The following PHF21B variants were observed in gnomAD, a reference collection of about 807,000 sequenced individuals.
PHF21B encodes PHD finger protein 4.
PHF21B carries 22 observed loss-of-function variants against 62.2 expected under a neutral mutation model. That is an observed-to-expected ratio of 0.35 (90% CI 0.25 to 0.51). The LOEUF (loss-of-function observed/expected upper bound fraction) is 0.51, where lower values mean the gene tolerates loss of function less well. Ranked by LOEUF, PHF21B falls within the 20% of genes least tolerant of loss-of-function variation. The pLI is 0.97. For synonymous variants in PHF21B, 341 were observed against 314.7 expected (o/e 1.08, Z -0.88); for missense variants, 701 against 707.9 (o/e 0.99, Z 0.11).
chr22:44,944,003 C>T (rs1037566079), intron 2 of PHF21B, among the ~76,000 whole-genome samples: 2 of 152,218 alleles, frequency 1.3e-5, no homozygotes, highest in Non-Finnish European at 2.9e-5. Flanking sequence ...AGGGAAGGAA[C>T]AGCGCTGGGC....
intron 2 of PHF21B, among the ~76,000 whole-genome samples, chr22:44,995,733 G>A (rs902073806): frequency 6.6e-6 from 1 of 152,026 alleles, no homozygotes; most frequent in Non-Finnish European, 1.5e-5. Flanking sequence ...GGCACCTTCC[G>A]AGATGTTGAG....
At position 44,952,439 on chromosome 22, in the gene PHF21B, A is replaced by G. The variant is rs577897792; in HGVS notation, c.121-31949T>C. Among the ~76,000 whole-genome samples, 31 of 152,344 alleles carry G rather than the reference A, an allele frequency of 2.0e-4. 1 individual carries two copies. Among genetic ancestry groups the G allele is most frequent in the African/African-American group, 6.7e-4 (28 of 41,584 alleles). ...TTCCACAACAAAATGGCATATGGTC[A>G]TTGAAAACAGTTTTGACATGGGAAA... On this transcript the variant is annotated intron_variant, in intron 2 of 12. Coordinates refer to ENST00000313237, the MANE Select transcript of PHF21B (RefSeq NM_138415.5).
At chr22:44,927,457 G>A (rs577118475) in intron 2 of PHF21B, among the ~76,000 whole-genome samples, 48 of 152,230 alleles carry the variant, frequency 3.2e-4, no homozygotes, top group African/African-American at 1.1e-3. Context: ...AAGGAGAGAC[G>A]ATTCTGAGTC....
intron 2 of PHF21B, among the ~76,000 whole-genome samples, chr22:44,951,613 C>T (rs1439515043): frequency 6.6e-6 from 1 of 152,210 alleles, no homozygotes; most frequent in Non-Finnish European, 1.5e-5. Context: ...GCTGTTGTAG[C>T]CAGATGTCCT....
At position 45,009,117 on chromosome 22, in the gene PHF21B, G is replaced by T. The variant is rs1753421382; in HGVS notation, c.54+379C>A. On this transcript the variant is annotated intron_variant, in intron 1 of 12. Coordinates refer to ENST00000313237, the MANE Select transcript of PHF21B (RefSeq NM_138415.5). This position sits in a 1 kb window ranked among gnomAD's most constrained non-coding sequence, Gnocchi z 5.9. The stretch of plus-strand genomic sequence containing the variant: ...AAAACTACTTCTGCACACCGGGCAG[G>T]TTCGCCCGGGGCGCGGGGGCCCGAG... 2.2e-6 allele frequency: 2 copies of T among 898,618 alleles called. No individual in the cohort carries two copies. Among genetic ancestry groups the T allele is most frequent in the Non-Finnish European group, 2.9e-6 (2 of 701,434 alleles). The allele number at this position is 898,618 out of a possible 1,614,324, so 55.7% of individuals were successfully genotyped here.
intron 4 of PHF21B, among the ~76,000 whole-genome samples, chr22:44,915,455 T>C (rs2071415296): frequency 6.6e-6 from 1 of 152,254 alleles, no homozygotes; most frequent in Non-Finnish European, 1.5e-5. Flanking sequence ...GCACCTTGTC[T>C]GGATCAGGTG....
intron 2 of PHF21B, among the ~76,000 whole-genome samples, chr22:44,974,334 A>G (rs2072695768): frequency 6.6e-6 from 1 of 151,450 alleles, no homozygotes. Flanking sequence ...GGGTCACTTG[A>G]GGCCAGGAGG....
intron 4 of PHF21B, among the ~76,000 whole-genome samples, chr22:44,915,052 GTC>G (rs2071409857): frequency 6.6e-6 from 1 of 152,172 alleles, no homozygotes; most frequent in Non-Finnish European, 1.5e-5. Flanking sequence ...GGTGGTGACT[GTC>G]TGATGAATTT....
intron 2 of PHF21B, among the ~76,000 whole-genome samples, chr22:44,975,912 AT>A (rs1460334419): frequency 1.3e-5 from 2 of 152,266 alleles, no homozygotes; most frequent in Non-Finnish European, 2.9e-5. Context: ...CACGCCTGTA[AT>A]TCCCAGCATT....
chr22:45,008,431 C>T (rs2073365838), intron 2 of PHF21B, 114 bp downstream of exon 2: 8 of 979,208 alleles, frequency 8.2e-6, no homozygotes, highest in East Asian at 3.3e-5. Context: ...TGGAGACAGA[C>T]CCCTCTGGGA....
At chr22:45,007,268 TTTTAAC>T (rs1237595434) in intron 2 of PHF21B, among the ~76,000 whole-genome samples, 1 of 151,884 alleles carries the variant, frequency 6.6e-6, no homozygotes, top group African/African-American at 2.4e-5. Flanking sequence ...TCCCATCACT[TTTTAAC>T]TTTAAAGACT....
intron 2 of PHF21B, among the ~76,000 whole-genome samples, chr22:44,940,170 G>C (rs2071928475): frequency 6.6e-6 from 1 of 152,180 alleles, no homozygotes; most frequent in African/African-American, 2.4e-5. Flanking sequence ...CACGGGCTTA[G>C]ATCACCAGTT....
At chr22:44,957,975 T>C (rs2072335486) in intron 2 of PHF21B, among the ~76,000 whole-genome samples, 1 of 151,374 alleles carries the variant, frequency 6.6e-6, no homozygotes, top group Admixed American at 6.6e-5. Flanking sequence ...CGATCTCGGC[T>C]CACCACAACC....
chr22:44,993,735 G>A (rs1269525296), intron 2 of PHF21B, among the ~76,000 whole-genome samples: 2 of 152,204 alleles, frequency 1.3e-5, no homozygotes, highest in Non-Finnish European at 2.9e-5. Context: ...AGCTGTGTGT[G>A]CACCCAGGAG....
chr22:44,945,565 C>A (rs115882938), intron 2 of PHF21B, among the ~76,000 whole-genome samples: 136 of 152,260 alleles, frequency 8.9e-4, no homozygotes, highest in Middle Eastern at 3.4e-3. Context: ...AGCCCCAAAT[C>A]CCCACACTGC....
At position 45,009,138 on chromosome 22, in the gene PHF21B, C is replaced by T. The variant is rs1359352020; in HGVS notation, c.54+358G>A. The T allele has an allele frequency of 1.5e-6, 1 of 688,414 alleles. No individual in the cohort carries two copies. The highest frequency in any genetic ancestry group is 2.0e-6 in the Non-Finnish European group (1 of 507,898). The allele number at this position is 688,414 out of a possible 1,614,324, so 42.6% of individuals were successfully genotyped here. ...GCAGGTTCGCCCGGGGCGCGGGGGC[C>T]CGAGGGGAGGCCGGAAGGGGGCCTA... On this transcript the variant is annotated intron_variant, in intron 1 of 12. Transcript: ENST00000313237. The surrounding 1 kb of genome is among the most constrained non-coding windows in gnomAD (Gnocchi z 5.9).
At chr22:44,906,946 C>T (rs1033151156) in intron 5 of PHF21B, among the ~76,000 whole-genome samples, 14 of 151,218 alleles carry the variant, frequency 9.3e-5, no homozygotes, top group Admixed American at 6.6e-4. Context: ...TGGCGATCAG[C>T]GTGGGGTGAT....
intron 2 of PHF21B, among the ~76,000 whole-genome samples, chr22:44,996,995 C>A (rs1463020335): frequency 6.6e-6 from 1 of 152,214 alleles, no homozygotes; most frequent in Admixed American, 6.5e-5. Flanking sequence ...TTCCGACCCA[C>A]TCCACGTCAC....
At chr22:44,978,885 C>T (rs904220301) in intron 2 of PHF21B, among the ~76,000 whole-genome samples, 3 of 151,960 alleles carry the variant, frequency 2.0e-5, no homozygotes, top group Non-Finnish European at 4.4e-5. Flanking sequence ...GCTGTGTAGA[C>T]TCTGCGTGCA....
Sources: allele counts gnomAD v4.1 joint callset (sites outside exome capture counted in the v4.1 genomes callset), GRCh38; gene constraint gnomAD v4.1.1; non-coding constraint Gnocchi (gnomAD v3.1); transcripts MANE v1.5; gene names NCBI Gene and HGNC (gene_info 2026-07-23, HGNC 2026-07-21).